Variants in GPC6 observed in about 807,000 individuals in gnomAD.
GPC6 encodes the protein glypican 6.
Under a neutral mutation model 55.2 loss-of-function variants are expected in GPC6, and 14 were observed. The observed-to-expected ratio is 0.25, with a 90% CI of 0.17 to 0.40. GPC6 has a LOEUF of 0.40. GPC6 is among the 10% of genes least tolerant of loss of function. The pLI, the probability that GPC6 is intolerant of heterozygous loss-of-function variation, is 1.00. For synonymous variants in GPC6, 278 were observed against 259.6 expected, an observed-to-expected ratio of 1.07 and a Z score of -0.68; for missense variants, 641 against 708.5, an observed-to-expected ratio of 0.90 and a Z score of 1.08.
At chr13:93,782,579 A>C (rs978065340) in intron 2 of GPC6, among the ~76,000 whole-genome samples, 2 of 151,950 alleles carry the variant, frequency 1.3e-5, no homozygotes, top group African/African-American at 4.8e-5. Context: ...TTTTCTCCAC[A>C]TTTTTACCAA....
At chr13:93,930,903 G>A (rs201894429) in intron 3 of GPC6, among the ~76,000 whole-genome samples, 1 of 152,184 alleles carries the variant, frequency 6.6e-6, no homozygotes, top group East Asian at 1.9e-4. Context: ...CTTCTGGGGA[G>A]GCCTCAGGAA....
chr13:93,261,691 G>A (rs1337882721), intron 1 of GPC6, among the ~76,000 whole-genome samples: 12 of 152,144 alleles, frequency 7.9e-5, no homozygotes, highest in Admixed American at 7.9e-4. Flanking sequence ...AGCTCCCCCA[G>A]GGATGGGTTT....
chr13:93,908,736 T>C (rs55802283), intron 3 of GPC6, among the ~76,000 whole-genome samples: 55,377 of 151,988 alleles, frequency 0.36, 10,342 homozygotes, highest in East Asian at 0.52. Context: ...GCTTTATTCC[T>C]CCATTTCTTT....
chr13:94,327,427 C>T (rs1877181860), intron 6 of GPC6, among the ~76,000 whole-genome samples: 1 of 152,148 alleles, frequency 6.6e-6, no homozygotes, highest in South Asian at 2.1e-4. Flanking sequence ...CACCATGTCC[C>T]CCATCTCTAC....
intron 2 of GPC6, among the ~76,000 whole-genome samples, chr13:93,787,618 A>G (rs1164353853): frequency 1.3e-5 from 2 of 152,226 alleles, no homozygotes; most frequent in Non-Finnish European, 2.9e-5. Context: ...ATCTTCATTA[A>G]TAAAATTAGG....
At chr13:93,278,708 T>C (rs896187528) in intron 1 of GPC6, among the ~76,000 whole-genome samples, 1 of 152,194 alleles carries the variant, frequency 6.6e-6, no homozygotes, top group African/African-American at 2.4e-5. Flanking sequence ...AAATATTTTA[T>C]ATAATTTGTA....
chr13:93,593,078 C>T (rs755810020), intron 2 of GPC6, among the ~76,000 whole-genome samples: 1 of 151,942 alleles, frequency 6.6e-6, no homozygotes, highest in Non-Finnish European at 1.5e-5. Context: ...ATCTTTGAGA[C>T]ATGGATACAT....
intron 7 of GPC6, among the ~76,000 whole-genome samples, chr13:94,397,532 C>T (rs960692249): frequency 2.6e-5 from 4 of 152,048 alleles, no homozygotes; most frequent in African/African-American, 9.7e-5. Flanking sequence ...AATAAAAACC[C>T]TAATAGACAC....
intron 3 of GPC6, among the ~76,000 whole-genome samples, chr13:93,976,702 A>G (rs1880533517): frequency 6.6e-6 from 1 of 151,574 alleles, no homozygotes; most frequent in South Asian, 2.1e-4. Context: ...TTGGTGGGCC[A>G]TCTCAGTTCT....
At chr13:93,927,011 G>T (rs1243389684) in intron 3 of GPC6, among the ~76,000 whole-genome samples, 2 of 152,128 alleles carry the variant, frequency 1.3e-5, no homozygotes, top group African/African-American at 2.4e-5. Context: ...TCTGTTTACT[G>T]TATATTCAGC....
At chr13:94,070,476 A>G (rs1469906402) in intron 4 of GPC6, among the ~76,000 whole-genome samples, 2 of 152,202 alleles carry the variant, frequency 1.3e-5, no homozygotes, top group Non-Finnish European at 2.9e-5. Context: ...TAGATGGAGA[A>G]CATGTTAATT....
chr13:93,545,220 A>C, intron 1 of GPC6, 43 bp from the exon 2 acceptor site: 2 of 1,552,058 alleles, frequency 1.3e-6, no homozygotes, highest in Non-Finnish European at 1.8e-6. Context: ...CGTCTACCAA[A>C]AGTCCTTAGA....
chr13:93,639,075 T>G (rs2139582631), intron 2 of GPC6, among the ~76,000 whole-genome samples: 1 of 150,744 alleles, frequency 6.6e-6, no homozygotes, highest in East Asian at 2.0e-4. Context: ...TGGAGGAAAA[T>G]AAACAATGAA....
intron 2 of GPC6, among the ~76,000 whole-genome samples, chr13:93,545,737 G>A (rs763249187): frequency 6.6e-6 from 1 of 152,108 alleles, no homozygotes; most frequent in East Asian, 1.9e-4. Flanking sequence ...ACTGCAGCTT[G>A]TCTAGTTTTC....
At chr13:93,400,915 G>T (rs1158995692) in intron 1 of GPC6, among the ~76,000 whole-genome samples, 1 of 152,102 alleles carries the variant, frequency 6.6e-6, no homozygotes, top group Non-Finnish European at 1.5e-5. Flanking sequence ...GCCAAGGACA[G>T]AATTACTTGA....
chr13:93,439,487 C>T (rs59070756), intron 1 of GPC6, among the ~76,000 whole-genome samples: 1,815 of 152,130 alleles, frequency 0.012, 38 homozygotes, highest in African/African-American at 0.042. Context: ...CCTTGCTCTT[C>T]TGCCGTGATT....
chr13:94,009,460 T>C (rs1228499824), intron 3 of GPC6, among the ~76,000 whole-genome samples: 1 of 152,182 alleles, frequency 6.6e-6, no homozygotes, highest in Admixed American at 6.5e-5. Context: ...CCTCAGCTAC[T>C]TACATGCTGG....
At chr13:94,392,979 A>C (rs1200546588) in intron 7 of GPC6, among the ~76,000 whole-genome samples, 1 of 152,226 alleles carries the variant, frequency 6.6e-6, no homozygotes, top group Non-Finnish European at 1.5e-5. Context: ...TCACATTCCC[A>C]AGAGCAGTGC....
At chr13:93,716,184 TAA>T (rs1384897302) in intron 2 of GPC6, among the ~76,000 whole-genome samples, 3 of 151,810 alleles carry the variant, frequency 2.0e-5, no homozygotes, top group South Asian at 2.1e-4. Context: ...TTGAAAATAA[TAA>T]GTTACTATGT....
Sources: allele counts gnomAD v4.1 joint callset (sites outside exome capture counted in the v4.1 genomes callset), GRCh38; gene constraint gnomAD v4.1.1; transcripts MANE v1.5; gene names NCBI Gene and HGNC (gene_info 2026-07-23, HGNC 2026-07-21).